The following MYO16 variants were observed in gnomAD, a reference collection of about 807,000 sequenced individuals.
MYO16 encodes the protein unconventional myosin-XVI.
In MYO16, 94 loss-of-function variants were observed where a neutral mutation model predicts 205.3. The ratio of observed to expected loss-of-function variants is 0.46; its 90% CI spans 0.39 to 0.54. MYO16 has a LOEUF of 0.54. Among genes scored for constraint, MYO16 ranks in the 20% least tolerant of loss-of-function variants. MYO16 has a pLI of 0.00. For missense variants in MYO16, 2,315 were observed against 2,387.5 expected (o/e 0.97, Z 0.63); for synonymous variants, 988 against 954.0 (o/e 1.04, Z -0.66).
chr13:109,088,666 T>A (rs969854201), intron 27 of MYO16, among the ~76,000 whole-genome samples: 5 of 152,186 alleles, frequency 3.3e-5, no homozygotes, highest in African/African-American at 4.8e-5. Flanking sequence ...ATGCGGTGCC[T>A]GAGAGGCGGC....
At chr13:108,948,850 C>A (rs1356668737) in intron 16 of MYO16, among the ~76,000 whole-genome samples, 2 of 152,156 alleles carry the variant, frequency 1.3e-5, no homozygotes, top group Admixed American at 6.5e-5. Flanking sequence ...TTTACTTTGC[C>A]TCAAAGCAAA....
At chr13:108,583,628 A>G in the MYO16 span, among the ~76,000 whole-genome samples, 150,436 of 152,302 alleles carry the variant, frequency 0.99, 74,318 homozygotes, top group East Asian at 1. Flanking sequence ...GTAATTCTGG[A>G]AGGGGATTTC....
intron 4 of MYO16, among the ~76,000 whole-genome samples, chr13:108,745,095 G>A (rs987957317): frequency 6.6e-6 from 1 of 152,176 alleles, no homozygotes; most frequent in African/African-American, 2.4e-5. Flanking sequence ...GAACAAATCT[G>A]AACTGATTGA....
At chr13:108,596,731 A>G (rs777318880) in intron 1 of MYO16, among the ~76,000 whole-genome samples, 1 of 152,146 alleles carries the variant, frequency 6.6e-6, no homozygotes, top group Non-Finnish European at 1.5e-5. Context: ...ACAATATGTG[A>G]TGTGTTTTGC....
chr13:108,696,821 T>C lies in MYO16; in HGVS notation c.293-15840T>C, dbSNP rs142170915. ...GCAGGAAGTCAGAAGACCCTACCTG[T>C]GTGGGCCTCATTCTGGACCTTATTG... On this transcript the variant is annotated intron_variant, in intron 2 of 34. Transcript: ENST00000457511. 4.3e-3 allele frequency among the ~76,000 whole-genome samples: 655 copies of C among 152,284 alleles called. 8 individuals carry two copies. The highest frequency in any genetic ancestry group is 0.015 in the African/African-American group (630 of 41,564).
At chr13:109,090,846 G>A (rs955102460) in intron 27 of MYO16, among the ~76,000 whole-genome samples, 2 of 152,012 alleles carry the variant, frequency 1.3e-5, no homozygotes, top group Non-Finnish European at 2.9e-5. Context: ...TGCAATCCCC[G>A]CCCCTCCCCG....
chr13:108,607,926 G>T (rs901188001), intron 1 of MYO16, among the ~76,000 whole-genome samples: 1 of 152,024 alleles, frequency 6.6e-6, no homozygotes, highest in Non-Finnish European at 1.5e-5. Context: ...CTTCTCTCTT[G>T]TTCCTGTTCT....
Position 108,908,987 on chromosome 13 carries a change from A to AAAAAAAT in MYO16, c.1778-1013_1778-1012insAAATAAA, listed in dbSNP as rs1555311598. On this transcript the variant is annotated intron_variant, in intron 15 of 34. Transcript: ENST00000457511. Reference sequence around the variant, plus strand: ...GACTGTGTCTCAAAAAAAATAAAATAAAATAAATAAATAAATAAATAAATA... The same window carrying AAAAAAAT: ...GACTGTGTCTCAAAAAAAATAAAATAAAAAAATAAATAAATAAATAAATAAATAAATA... Among the ~76,000 whole-genome samples the AAAAAAAT allele has an allele frequency of 2.7e-5, 4 of 148,918 alleles. No individual in the cohort carries two copies. In the East Asian group the frequency reaches 6.0e-4, roughly 22 times the overall value.
intron 23 of MYO16, among the ~76,000 whole-genome samples, chr13:109,025,674 TATTAAA>T (rs1280294674): frequency 2.0e-5 from 3 of 152,222 alleles, no homozygotes; most frequent in Non-Finnish European, 4.4e-5. Context: ...TTTTATTGGC[TATTAAA>T]ATTAAGAATC....
chr13:109,171,131 C>T (rs1878907089), intron 33 of MYO16, among the ~76,000 whole-genome samples: 1 of 152,106 alleles, frequency 6.6e-6, no homozygotes. Context: ...ATACTTAGGC[C>T]CTGAGTAAGC....
chr13:108,796,048 A>G (rs999977565), intron 6 of MYO16, among the ~76,000 whole-genome samples: 2 of 152,212 alleles, frequency 1.3e-5, no homozygotes, highest in African/African-American at 2.4e-5. Context: ...GGAAACAGCA[A>G]GGAGCCCATA....
Position 108,879,364 on chromosome 13 carries a change from C to CT in MYO16, c.1426-3687dup, listed in dbSNP as rs549863229. Among the ~76,000 whole-genome samples, 433 of 151,964 alleles carry CT rather than the reference C, an allele frequency of 2.8e-3. 2 individuals are homozygous for CT. Among genetic ancestry groups the CT allele is most frequent in the African/African-American group, 9.3e-3 (386 of 41,456 alleles). On this transcript the variant is annotated intron_variant, in intron 12 of 34. Coordinates refer to ENST00000457511, the MANE Select transcript of MYO16 (RefSeq NM_001198950.3). Reference sequence around the variant, plus strand: ...TGTACAGGCAACTTTTAACATCAACCTTTTTTTTATTATTATACTTTAAGT... The same window carrying CT: ...TGTACAGGCAACTTTTAACATCAACCTTTTTTTTTATTATTATACTTTAAGT...
intron 29 of MYO16, among the ~76,000 whole-genome samples, chr13:109,120,879 C>T (rs1875956458): frequency 6.6e-6 from 1 of 151,894 alleles, no homozygotes; most frequent in Non-Finnish European, 1.5e-5. Flanking sequence ...GTGAGATCCC[C>T]ATCTCTCAAA....
chr13:108,840,198 C>T (rs1461755206), intron 9 of MYO16, among the ~76,000 whole-genome samples: 1 of 152,164 alleles, frequency 6.6e-6, no homozygotes, highest in Non-Finnish European at 1.5e-5. Context: ...CAAGTATTTT[C>T]ATTGGCTAAA....
At position 108,638,118 on chromosome 13, in the gene MYO16, T is replaced by A. The variant is rs537078298; in HGVS notation, c.28+8246T>A. Among the ~76,000 whole-genome samples, 25 of 152,174 alleles carry A rather than the reference T, an allele frequency of 1.6e-4. 1 individual carries two copies. Among genetic ancestry groups the A allele is most frequent in the African/African-American group, 6.0e-4 (25 of 41,528 alleles). On this transcript the variant is annotated intron_variant, in intron 1 of 34. Coordinates refer to ENST00000457511, the MANE Select transcript of MYO16 (RefSeq NM_001198950.3). The stretch of plus-strand genomic sequence containing the variant: ...ATAGGTTGTTAAGGGAAAATCACTC[T>A]CAAGAAGTGGTCTCTAAGTTACTGA...
chr13:109,000,754 A>C (rs1045704307), intron 21 of MYO16, among the ~76,000 whole-genome samples: 2 of 151,994 alleles, frequency 1.3e-5, no homozygotes, highest in African/African-American at 4.8e-5. Flanking sequence ...TTTTATGTAC[A>C]AGGTATCATA....
chr13:109,165,649 G>A (rs547792784), intron 33 of MYO16, among the ~76,000 whole-genome samples: 31 of 152,290 alleles, frequency 2.0e-4, no homozygotes, highest in African/African-American at 6.7e-4. Flanking sequence ...AATTAGAGGC[G>A]TGGGAGAACC....
chr13:108,972,245 C>CTATATATATA (rs1374363684), intron 20 of MYO16, among the ~76,000 whole-genome samples: 5 of 8,602 alleles, frequency 5.8e-4, no homozygotes, highest in Non-Finnish European at 1.0e-3. Context: ...CTCTCTCTCT[C>CTATATATATA]TCTCTATATA....
upstream of MYO16, among the ~76,000 whole-genome samples, chr13:108,593,691 T>C (rs1284567832): frequency 2.6e-5 from 4 of 152,222 alleles, no homozygotes; most frequent in African/African-American, 9.6e-5. Flanking sequence ...GGCTCTGCCT[T>C]TTTCAGAGCT....
Sources: gnomAD v4.1 joint callset for allele counts (sites outside exome capture counted in the v4.1 genomes callset) on GRCh38, gnomAD v4.1.1 for gene constraint, MANE v1.5 for transcripts, NCBI Gene and HGNC (gene_info 2026-07-23, HGNC 2026-07-21) for gene names.